ATG13: variants seen among roughly 807,000 people sequenced by gnomAD.
ATG13 encodes the protein autophagy related 13.
Under a neutral mutation model 65.5 loss-of-function variants are expected in ATG13, and 23 were observed. The observed-to-expected ratio is 0.35, with a 90% confidence interval of 0.25 to 0.50. The LOEUF (loss-of-function observed/expected upper bound fraction) is 0.50, where lower values mean the gene tolerates loss of function less well. ATG13 is among the 20% of genes least tolerant of loss of function. The pLI, the probability that ATG13 is intolerant of heterozygous loss-of-function variation, is 0.98. For missense variants in ATG13, 566 were observed against 677.0 expected, an observed-to-expected ratio of 0.84 and a Z score of 1.82; for synonymous variants, 252 against 245.2, an observed-to-expected ratio of 1.03 and a Z score of -0.26.
At chr11:46,619,719 G>A (rs2135530111) in intron 1 of ATG13, among the ~76,000 whole-genome samples, 1 of 151,640 alleles carries the variant, frequency 6.6e-6, no homozygotes, top group South Asian at 2.1e-4. Context: ...GAGTAAATGT[G>A]GGCCAGTTTA....
chr11:46,630,275 A>C (rs371458316), intron 2 of ATG13, among the ~76,000 whole-genome samples, 175 bp downstream of exon 2: 13 of 152,190 alleles, frequency 8.5e-5, no homozygotes, highest in Admixed American at 1.3e-4. Flanking sequence ...AATGCAGAAG[A>C]AGCAGCAGCC....
chr11:46,636,172 G>T (rs1036529936), intron 2 of ATG13, among the ~76,000 whole-genome samples: 3 of 151,898 alleles, frequency 2.0e-5, no homozygotes, highest in Admixed American at 1.3e-4. Flanking sequence ...CTATCCTGTG[G>T]CATCGTATTC....
At chr11:46,650,116 T>G in intron 6 of ATG13, 61 bp from the exon 7 acceptor site, 4 of 1,557,570 alleles carry the variant, frequency 2.6e-6, no homozygotes, top group East Asian at 2.3e-5. Context: ...ATAATAAATT[T>G]GGTCTTGTGT....
intron 1 of ATG13, among the ~76,000 whole-genome samples, chr11:46,620,505 G>C (rs555420988): frequency 3.3e-5 from 5 of 152,038 alleles, no homozygotes; most frequent in African/African-American, 1.2e-4. Flanking sequence ...GCTGGGCGCG[G>C]TTGCTCACAC....
chr11:46,628,658 TG>T (rs1156300242), intron 1 of ATG13, among the ~76,000 whole-genome samples: 6 of 152,160 alleles, frequency 3.9e-5, no homozygotes, highest in Admixed American at 3.9e-4. Flanking sequence ...AAATATTAAT[TG>T]GTTAACTGTT....
At chr11:46,635,746 C>T (rs920861099) in intron 2 of ATG13, among the ~76,000 whole-genome samples, 1 of 152,064 alleles carries the variant, frequency 6.6e-6, no homozygotes, top group East Asian at 1.9e-4. Flanking sequence ...TAACTTTTTC[C>T]CTAGTGGAGA....
chr11:46,619,372 CTTTTTTTTTTTTTTTTT>C (rs746642470), intron 1 of ATG13, among the ~76,000 whole-genome samples: 1 of 35,328 alleles, frequency 2.8e-5, no homozygotes, highest in Non-Finnish European at 5.4e-5. Context: ...AGATTTCTTG[CTTTTTTTTTTTTTTTTT>C]TTTTTTTTTT....
intron 2 of ATG13, among the ~76,000 whole-genome samples, chr11:46,643,079 C>T (rs1221566695): frequency 6.6e-6 from 1 of 152,124 alleles, no homozygotes; most frequent in African/African-American, 2.4e-5. Context: ...TTGCCTAGTT[C>T]TGGTTGGTCA....
intron 5 of ATG13, among the ~76,000 whole-genome samples, chr11:46,648,115 C>CT (rs1318876955): frequency 6.7e-6 from 1 of 148,612 alleles, no homozygotes; most frequent in Non-Finnish European, 1.5e-5. Context: ...CCCCCCAGCA[C>CT]TTTTTTTTCC....
intron 1 of ATG13, among the ~76,000 whole-genome samples, chr11:46,622,123 A>ATT (rs1241024952): frequency 1.0e-3 from 81 of 77,894 alleles, no homozygotes; most frequent in African/African-American, 4.6e-3. Flanking sequence ...ATATATATAT[A>ATT]TATATTTATT....
At chr11:46,651,471 A>G (rs934312740) in intron 7 of ATG13, among the ~76,000 whole-genome samples, 2 of 152,228 alleles carry the variant, frequency 1.3e-5, no homozygotes, top group African/African-American at 4.8e-5. Context: ...CAGATGAACC[A>G]GAGTGGTGGA....
At chr11:46,658,332 C>T (rs754628599) in intron 10 of ATG13, among the ~76,000 whole-genome samples, 25 of 152,202 alleles carry the variant, frequency 1.6e-4, no homozygotes, top group Admixed American at 1.2e-3. Context: ...ATACTTGTTT[C>T]GTGGAGTCTC....
At chr11:46,660,582 G>C (rs1272187855) in intron 11 of ATG13, among the ~76,000 whole-genome samples, 2 of 151,160 alleles carry the variant, frequency 1.3e-5, no homozygotes, top group African/African-American at 2.4e-5. Context: ...CTAATTTTTT[G>C]TATTTTTAGT....
chr11:46,617,937 G>T (rs1392691926), intron 1 of ATG13, 47 bp downstream of exon 1: 2 of 399,124 alleles, frequency 5.0e-6, no homozygotes, highest in East Asian at 3.6e-5. Context: ...AGCGCCCCCG[G>T]GTGGGAGGCT....
intron 1 of ATG13, among the ~76,000 whole-genome samples, chr11:46,626,441 G>A (rs2049664536): frequency 6.6e-6 from 1 of 151,776 alleles, no homozygotes; most frequent in Non-Finnish European, 1.5e-5. Context: ...GTAGAGACAG[G>A]GTTTCACCAT....
rs772999319 is a variant in ATG13 at position 46,664,009 on chromosome 11, G to C, written c.802G>C (p.Val268Leu). The stretch of plus-strand genomic sequence containing the variant: ...TGTCTGTGCACAGTGTGTGTTTACT[G>C]TCACAAAGGCACATTTTCAGACCCC... ...TSPPSQCVFT[V>L]TKAHFQTPTP... The change falls in exon 12 of 19, where the codon GTC becomes CTC. Residue 268 changes from valine to leucine, a missense_variant. Transcript: ENST00000683050. 4 of 1,537,606 alleles carry C rather than the reference G, an allele frequency of 2.6e-6. No individual in the cohort carries two copies. Among genetic ancestry groups the C allele is most frequent in the Non-Finnish European group, 3.5e-6 (4 of 1,148,570 alleles).
intron 2 of ATG13, among the ~76,000 whole-genome samples, chr11:46,634,796 G>C (rs1334601480): frequency 2.0e-5 from 3 of 151,868 alleles, no homozygotes; most frequent in Admixed American, 2.0e-4. Flanking sequence ...CTGCCTCCTG[G>C]GTTCAAATGA....
Position 46,642,709 on chromosome 11 carries a change from C to A in ATG13, c.-13-1570C>A, listed in dbSNP as rs563511058. ...GGACCTAACTGATTTCCCCATTTTT[C>A]ATACTCAAAAGTGTTCTGCATTATG... is the stretch of plus-strand genomic sequence containing the variant. On this transcript the variant is annotated intron_variant, in intron 2 of 18. Coordinates refer to ENST00000683050, the MANE Select transcript of ATG13 (RefSeq NM_001346311.2). Among the ~76,000 whole-genome samples the A allele has an allele frequency of 2.8e-4, 43 of 152,276 alleles. No homozygotes were observed. The South Asian group carries it at 5.4e-3, about 19-fold the overall frequency.
chr11:46,661,065 G>A (rs776679707), intron 11 of ATG13, among the ~76,000 whole-genome samples: 5 of 149,658 alleles, frequency 3.3e-5, no homozygotes, highest in African/African-American at 9.9e-5. Context: ...TGTCTCTGTC[G>A]CCAAGGCTGG....
Sources: allele counts gnomAD v4.1 joint callset (sites outside exome capture counted in the v4.1 genomes callset), GRCh38; gene constraint gnomAD v4.1.1; transcripts MANE v1.5; gene names NCBI Gene and HGNC (gene_info 2026-07-23, HGNC 2026-07-21).